The following SPATA6L variants were observed in gnomAD, a reference collection of about 807,000 sequenced individuals.
The protein encoded by SPATA6L is spermatogenesis associated 6-like protein.
Under a neutral mutation model 49.2 loss-of-function variants are expected in SPATA6L, and 68 were observed. The ratio of observed to expected loss-of-function variants is 1.38; its 90% CI spans 1.14 to 1.69. The LOEUF (loss-of-function observed/expected upper bound fraction) is 1.69. Among genes scored for constraint, SPATA6L ranks in the 40% most tolerant of loss-of-function variants. SPATA6L has a pLI of 0.00. For synonymous variants in SPATA6L, 198 were observed against 165.7 expected, an observed-to-expected ratio of 1.19 and a Z score of -1.50; for missense variants, 668 against 464.3, an observed-to-expected ratio of 1.44 and a Z score of -4.03.
At chr9:4,620,001 G>C (rs1179736573) in intron 7 of SPATA6L, among the ~76,000 whole-genome samples, 1 of 152,222 alleles carries the variant, frequency 6.6e-6, no homozygotes, top group South Asian at 2.1e-4. Context: ...ACTTTTTCTG[G>C]ACTGCTGATC....
At chr9:4,598,130 G>C (rs1822455971), downstream of SPATA6L, among the ~76,000 whole-genome samples, 1 of 152,104 alleles carries the variant, frequency 6.6e-6, no homozygotes, top group Non-Finnish European at 1.5e-5. Flanking sequence ...TGACCACAGA[G>C]AACTGGCCTC....
intron 10 of SPATA6L, among the ~76,000 whole-genome samples, chr9:4,604,716 G>A (rs755111466): frequency 6.6e-6 from 1 of 152,196 alleles, no homozygotes; most frequent in South Asian, 2.1e-4. Context: ...TATATAATAA[G>A]TCAAGAGGAC....
At chr9:4,594,825 C>A (rs1039302557), downstream of SPATA6L, among the ~76,000 whole-genome samples, 9 of 152,068 alleles carry the variant, frequency 5.9e-5, no homozygotes, top group Middle Eastern at 3.2e-3. Context: ...CCTCTAAATT[C>A]TATTTACAAC....
chr9:4,606,357 A>G (rs1361109380), intron 9 of SPATA6L, among the ~76,000 whole-genome samples: 1 of 137,198 alleles, frequency 7.3e-6, no homozygotes, highest in African/African-American at 2.9e-5. Flanking sequence ...GCACAGACAA[A>G]CAAAAAGACA....
At chr9:4,644,074 T>C (rs1331276189) in intron 3 of SPATA6L, among the ~76,000 whole-genome samples, 1 of 150,198 alleles carries the variant, frequency 6.7e-6, no homozygotes, top group Non-Finnish European at 1.5e-5. Flanking sequence ...AGGCAAGGCA[T>C]GGTGGCTCAT....
At chr9:4,641,547 G>C (rs1194316038) in intron 3 of SPATA6L, among the ~76,000 whole-genome samples, 2 of 152,044 alleles carry the variant, frequency 1.3e-5, no homozygotes, top group Non-Finnish European at 2.9e-5. Flanking sequence ...ATTGTTAAGG[G>C]ACTAATGACA....
At chr9:4,663,417 T>C in intron 1 of SPATA6L, 4 of 820,076 alleles carry the variant, frequency 4.9e-6, no homozygotes, top group Non-Finnish European at 5.9e-6. Context: ...GCTGCTAGGC[T>C]GGAGCACACA....
intron 9 of SPATA6L, among the ~76,000 whole-genome samples, chr9:4,614,980 T>C (rs1827617977): frequency 6.6e-6 from 1 of 152,162 alleles, no homozygotes; most frequent in African/African-American, 2.4e-5. Context: ...CCAAGCTCCT[T>C]AGGTCAGCCA....
At chr9:4,648,733 AG>A (rs1315872019) in intron 3 of SPATA6L, among the ~76,000 whole-genome samples, 2 of 152,054 alleles carry the variant, frequency 1.3e-5, no homozygotes, top group East Asian at 3.9e-4. Context: ...TAAATACATA[AG>A]TTCTTTAGTG....
chr9:4,662,666 C>G lies in SPATA6L; in HGVS notation c.40-630G>C. Reference sequence around the variant, plus strand: ...AGGACCGCATGGACTTGAACCCGTCCTTCCTGGGCATCGCCCTGCGCTCCC... The same window carrying G: ...AGGACCGCATGGACTTGAACCCGTCGTTCCTGGGCATCGCCCTGCGCTCCC... On this transcript the variant is annotated intron_variant, in intron 1 of 11. Transcript: ENST00000682582. This position sits in a 1 kb window ranked among gnomAD's most constrained non-coding sequence, Gnocchi z 4.9. The G allele has an allele frequency of 1.2e-6, 2 of 1,600,246 alleles. No individual in the cohort carries two copies. The highest frequency in any genetic ancestry group is 4.5e-5 in the East Asian group (2 of 44,850).
rs761300378 is a variant in SPATA6L, at chr9:4,661,893, G to A, written c.177+6C>T. On this transcript the variant is annotated splice_donor_region_variant and intron_variant, in intron 2 of 11. Coordinates refer to ENST00000682582, the MANE Select transcript of SPATA6L (RefSeq NM_001353486.2). ...CAACAAAAGCCAATGAGAAAGTCAA[G>A]ATCACCTTTTCAAATCTCATGCTCT... 8.7e-6 allele frequency: 14 copies of A among 1,613,274 alleles called. No homozygotes were observed. In the East Asian group the frequency reaches 3.1e-4, roughly 36 times the overall value.
At chr9:4,653,213 C>T (rs1311137193) in intron 3 of SPATA6L, among the ~76,000 whole-genome samples, 1 of 152,194 alleles carries the variant, frequency 6.6e-6, no homozygotes, top group Admixed American at 6.5e-5. Flanking sequence ...CCTCACATTA[C>T]TGTAAGCTGA....
At chr9:4,654,633 T>C (rs1837683303) in intron 3 of SPATA6L, among the ~76,000 whole-genome samples, 1 of 152,230 alleles carries the variant, frequency 6.6e-6, no homozygotes, top group Non-Finnish European at 1.5e-5. Context: ...TGGGGGTAGC[T>C]TTCAGCAGAT....
chr9:4,624,304 G>C (rs1306940089), intron 6 of SPATA6L, among the ~76,000 whole-genome samples: 4 of 152,152 alleles, frequency 2.6e-5, no homozygotes, highest in African/African-American at 9.7e-5. Flanking sequence ...AAAAAATAAA[G>C]CCTATGAATG....
intron 9 of SPATA6L, among the ~76,000 whole-genome samples, chr9:4,615,675 T>C (rs1199358855): frequency 6.6e-6 from 1 of 152,206 alleles, no homozygotes; most frequent in Non-Finnish European, 1.5e-5. Context: ...CCTACCACAA[T>C]CTATCTCATA....
rs368585449 is a variant in SPATA6L at position 4,612,781 on chromosome 9, G to GTTCA, written c.995+5138_995+5141dup. On this transcript the variant is annotated intron_variant, in intron 9 of 11. Coordinates refer to ENST00000682582, the MANE Select transcript of SPATA6L (RefSeq NM_001353486.2). ...CTTGAGTGATTGAATTCATTCTCTC[G>GTTCA]TTCATTCATTCATTCATTCATCCAT... 4.2e-3 allele frequency among the ~76,000 whole-genome samples: 638 copies of GTTCA among 152,130 alleles called. 3 individuals are homozygous for GTTCA. The highest frequency in any genetic ancestry group is 0.015 in the African/African-American group (606 of 41,490).
At chr9:4,645,490 C>T (rs1483413185) in intron 3 of SPATA6L, among the ~76,000 whole-genome samples, 1 of 152,126 alleles carries the variant, frequency 6.6e-6, no homozygotes, top group Non-Finnish European at 1.5e-5. Flanking sequence ...CAGGGAATCA[C>T]ATAGTGAGGG....
At position 4,624,557 on chromosome 9, in the gene SPATA6L, G is replaced by A. The variant is rs1445679679; in HGVS notation, c.669+770C>T. Among the ~76,000 whole-genome samples, 2 of 152,034 alleles carry A rather than the reference G, an allele frequency of 1.3e-5. 1 individual carries two copies. The highest frequency in any genetic ancestry group is 2.9e-5 in the Non-Finnish European group (2 of 68,008). On this transcript the variant is annotated intron_variant, in intron 6 of 11. Coordinates refer to ENST00000682582, the MANE Select transcript of SPATA6L (RefSeq NM_001353486.2). Reference sequence around the variant, plus strand: ...AGCCTGACCAACATGGTGAAACCCTGTCTTTCCTAAAAGTACAAAAATTAG... The same window carrying A: ...AGCCTGACCAACATGGTGAAACCCTATCTTTCCTAAAAGTACAAAAATTAG...
chr9:4,636,545 G>T (rs1052758920), intron 3 of SPATA6L, among the ~76,000 whole-genome samples: 1 of 152,130 alleles, frequency 6.6e-6, no homozygotes, highest in Non-Finnish European at 1.5e-5. Flanking sequence ...GACTGAGAGT[G>T]GTCCCCGCAC....
Sources: gnomAD v4.1 joint callset for allele counts (sites outside exome capture counted in the v4.1 genomes callset) on GRCh38, gnomAD v4.1.1 for gene constraint, Gnocchi (gnomAD v3.1) non-coding constraint, MANE v1.5 for transcripts, NCBI Gene and HGNC (gene_info 2026-07-23, HGNC 2026-07-21) for gene names.